Variants in SELENOF observed in about 807,000 individuals in gnomAD.
SELENOF encodes selenoprotein F, also known as 15 kDa selenoprotein.
A neutral mutation model predicts 20.5 loss-of-function variants in SELENOF; 16 were observed. That is an observed-to-expected ratio of 0.78 (90% CI 0.53 to 1.19). The LOEUF is 1.19. SELENOF is among the 50% of genes most tolerant of loss of function. SELENOF has a pLI of 0.00. For synonymous variants in SELENOF, 78 were observed against 74.5 expected, an observed-to-expected ratio of 1.05 and a Z score of -0.24; for missense variants, 215 against 194.2, an observed-to-expected ratio of 1.11 and a Z score of -0.64.
intron 1 of SELENOF, among the ~76,000 whole-genome samples, chr1:86,910,972 T>C (rs1013047053): frequency 6.6e-6 from 1 of 152,234 alleles, no homozygotes; most frequent in Admixed American, 6.5e-5. Context: ...ATTCTCTAAT[T>C]CATTCATCAA....
At chr1:86,897,497 A>G (rs1659555338) in intron 2 of SELENOF, among the ~76,000 whole-genome samples, 1 of 152,192 alleles carries the variant, frequency 6.6e-6, no homozygotes, top group African/African-American at 2.4e-5. Flanking sequence ...TAAATCTTCT[A>G]AATCATCTAA....
At chr1:86,894,668 G>A (rs561936684) in intron 2 of SELENOF, among the ~76,000 whole-genome samples, 11 of 152,174 alleles carry the variant, frequency 7.2e-5, no homozygotes, top group African/African-American at 2.6e-4. Flanking sequence ...GTGAGACCTT[G>A]TCTCTACAAA....
At chr1:86,888,308 T>C (rs1331208629) in intron 2 of SELENOF, among the ~76,000 whole-genome samples, 1 of 151,040 alleles carries the variant, frequency 6.6e-6, no homozygotes, top group African/African-American at 2.4e-5. Flanking sequence ...AAAGCTTGAA[T>C]ACCATAGTAA....
At chr1:86,875,486 A>G (rs1052146101) in intron 3 of SELENOF, among the ~76,000 whole-genome samples, 3 of 152,184 alleles carry the variant, frequency 2.0e-5, no homozygotes, top group African/African-American at 7.2e-5. Context: ...CATATAACAA[A>G]TGGAAACACA....
Position 86,899,363 on chromosome 1 carries a change from C to T in SELENOF, c.252+3918G>A, listed in dbSNP as rs1284206319. Among the ~76,000 whole-genome samples the T allele has an allele frequency of 4.6e-5, 6 of 131,074 alleles. 1 individual carries two copies. 86.0% of individuals were successfully genotyped at this position (131,074 alleles called of 152,430 possible). On this transcript the variant is annotated intron_variant, in intron 2 of 4. Transcript: ENST00000331835. ...CTCCTCACTTCCCAGTAGGGGCGGC[C>T]GGGCAGAGGCGCCCCTCACCTCCCG...
intron 2 of SELENOF, among the ~76,000 whole-genome samples, chr1:86,901,059 A>C (rs1659691478): frequency 6.6e-6 from 1 of 151,846 alleles, no homozygotes; most frequent in African/African-American, 2.4e-5. Context: ...CACTTGGCTA[A>C]TTTTTGTATT....
intron 2 of SELENOF, among the ~76,000 whole-genome samples, chr1:86,897,452 G>GT (rs1246419819): frequency 1.3e-5 from 2 of 152,196 alleles, no homozygotes; most frequent in African/African-American, 4.8e-5. Context: ...GGTGTGTAAG[G>GT]TTGGGGAGAA....
intron 3 of SELENOF, among the ~76,000 whole-genome samples, chr1:86,877,411 G>A (rs1458368962): frequency 6.6e-6 from 1 of 152,170 alleles, no homozygotes; most frequent in Non-Finnish European, 1.5e-5. Flanking sequence ...GGCATGAGCA[G>A]CAGGTTGAGT....
At chr1:86,885,289 T>C (rs1189791073) in intron 2 of SELENOF, among the ~76,000 whole-genome samples, 1 of 152,192 alleles carries the variant, frequency 6.6e-6, no homozygotes, top group African/African-American at 2.4e-5. Context: ...AGGTTTCACA[T>C]GTAGAAAAAG....
chr1:86,914,207 T>TA, upstream of SELENOF: 1 of 1,051,510 alleles, frequency 9.5e-7, no homozygotes, highest in Non-Finnish European at 1.5e-6. Flanking sequence ...CCGTTGCCCT[T>TA]ACATCTCTCA....
At chr1:86,886,551 A>C (rs1324924215) in intron 2 of SELENOF, among the ~76,000 whole-genome samples, 1 of 152,116 alleles carries the variant, frequency 6.6e-6, no homozygotes, top group African/African-American at 2.4e-5. Context: ...GTACCAACAG[A>C]AAAAAACTAA....
chr1:86,909,990 A>G (rs1350127230), intron 1 of SELENOF, among the ~76,000 whole-genome samples: 1 of 152,072 alleles, frequency 6.6e-6, no homozygotes, highest in Non-Finnish European at 1.5e-5. Context: ...CTTCGTCTCA[A>G]AAAAAAAGTA....
chr1:86,883,080 A>G (rs1553126481), intron 2 of SELENOF, among the ~76,000 whole-genome samples: 1 of 151,868 alleles, frequency 6.6e-6, no homozygotes, highest in Non-Finnish European at 1.5e-5. Context: ...GAGCTGAGAT[A>G]AAGCTACTGC....
chr1:86,885,748 C>G (rs1205171463), intron 2 of SELENOF, among the ~76,000 whole-genome samples: 1 of 152,148 alleles, frequency 6.6e-6, no homozygotes, highest in East Asian at 1.9e-4. Context: ...GCTGTCAAAT[C>G]AAAGTTGTAT....
intron 2 of SELENOF, among the ~76,000 whole-genome samples, chr1:86,881,028 G>C (rs542743705): frequency 2.0e-5 from 3 of 152,244 alleles, no homozygotes; most frequent in Non-Finnish European, 4.4e-5. Flanking sequence ...AGATGTCCTA[G>C]GAAGCGCTAC....
chr1:86,891,735 G>A (rs967179277), intron 2 of SELENOF, among the ~76,000 whole-genome samples: 1 of 151,966 alleles, frequency 6.6e-6, no homozygotes, highest in African/African-American at 2.4e-5. Flanking sequence ...AACATATATT[G>A]ATACTTAATT....
intron 1 of SELENOF, among the ~76,000 whole-genome samples, chr1:86,907,190 G>A (rs1242577530): frequency 6.6e-6 from 1 of 152,174 alleles, no homozygotes; most frequent in Non-Finnish European, 1.5e-5. Flanking sequence ...GAGGATTAAA[G>A]AAGCAAGTGC....
chr1:86,899,200 C>A (rs1053815532), intron 2 of SELENOF, among the ~76,000 whole-genome samples: 2 of 151,486 alleles, frequency 1.3e-5, no homozygotes, highest in African/African-American at 4.9e-5. Context: ...CACACAGACA[C>A]GGCAACCATC....
Position 86,880,673 on chromosome 1 carries a change from G to A in SELENOF, c.305C>T (p.Pro102Leu). The A allele has an allele frequency of 1.3e-6, 2 of 1,589,270 alleles. No individual in the cohort carries two copies. The highest frequency in any genetic ancestry group is 1.7e-6 in the Non-Finnish European group (2 of 1,165,592). The change falls in exon 3 of 5, where the codon CCT becomes CTT. Residue 102 changes from proline (P) to leucine (L), a missense_variant. Physicochemically the swap from Pro to Leu is moderately conservative, Grantham distance 98 (BLOSUM62 -3). Coordinates refer to ENST00000331835, the MANE Select transcript of SELENOF (RefSeq NM_004261.5). ...TAAATTTTATATACCTTGGACTTGA[G>A]GGAACCTTCCCAATTTTCATCCACA... ...EVCGUKLGRF[P>L]QVQAFVRSDK...
Sources: gnomAD v4.1 joint callset for allele counts (sites outside exome capture counted in the v4.1 genomes callset) on GRCh38, gnomAD v4.1.1 for gene constraint, MANE v1.5 for transcripts, NCBI Gene and HGNC (gene_info 2026-07-23, HGNC 2026-07-21) for gene names.